Variants in CA8 observed in about 807,000 individuals in gnomAD.
CA8 encodes carbonic anhydrase-related protein.
CA8 carries 22 observed loss-of-function variants against 41.4 expected under a neutral mutation model. The ratio of observed to expected loss-of-function variants is 0.53; its 90% CI spans 0.38 to 0.76. The LOEUF (loss-of-function observed/expected upper bound fraction) is 0.76. Ranked by LOEUF, CA8 falls within the 30% of genes least tolerant of loss-of-function variation. The probability of loss-of-function intolerance (pLI) is 0.00; values close to 1 mark genes in which losing one functional copy is unlikely to be tolerated. For synonymous variants in CA8, 121 were observed against 130.6 expected, an observed-to-expected ratio of 0.93 and a Z score of 0.50; for missense variants, 270 against 352.8, an observed-to-expected ratio of 0.77 and a Z score of 1.88.
intron 7 of CA8, among the ~76,000 whole-genome samples, chr8:60,214,384 C>T (rs1806945796): frequency 6.6e-6 from 1 of 152,202 alleles, no homozygotes; most frequent in East Asian, 1.9e-4. Context: ...TGTCTTAATA[C>T]ATCACATTGG....
intron 8 of CA8, among the ~76,000 whole-genome samples, chr8:60,200,111 C>T (rs1335533576): frequency 6.6e-6 from 1 of 152,058 alleles, no homozygotes; most frequent in African/African-American, 2.4e-5. Flanking sequence ...TAAAAGAGAC[C>T]CCAGAAAACC....
chr8:60,249,390 T>C (rs996858897), intron 3 of CA8, among the ~76,000 whole-genome samples: 2 of 152,186 alleles, frequency 1.3e-5, no homozygotes, highest in Non-Finnish European at 2.9e-5. Flanking sequence ...GTGTCTTCCA[T>C]TGTTTACCTA....
intron 3 of CA8, chr8:60,232,582 G>A (rs954557275): frequency 3.2e-6 from 2 of 625,070 alleles, no homozygotes; most frequent in East Asian, 2.9e-5. Flanking sequence ...AGTGCTTAGT[G>A]GATCACTGCC....
intron 8 of CA8, among the ~76,000 whole-genome samples, chr8:60,194,521 A>G (rs530650696): frequency 6.6e-6 from 1 of 152,264 alleles, no homozygotes; most frequent in Non-Finnish European, 1.5e-5. Flanking sequence ...TACTCACTCA[A>G]TTGTGTCTGT....
At position 60,188,466 on chromosome 8, in the gene CA8, T is replaced by C. The variant is rs1585830063; in HGVS notation, c.*1555A>G. 2 of 152,192 alleles carry C rather than the reference T, an allele frequency of 1.3e-5. No homozygotes were observed. Among genetic ancestry groups the C allele is most frequent in the Non-Finnish European group, 2.9e-5 (2 of 68,036 alleles). 9.4% of individuals were successfully genotyped at this position (152,192 alleles called of 1,614,324 possible). A position where few individuals can be genotyped will look rare whatever the true frequency, so the allele number is the denominator to read the frequency against. ...TTCAGATCTAGTCTTTTGATGTTAATTACAAATAAGGCTGCACGTGTGCAG... is the reference window on the plus strand; with the variant it reads ...TTCAGATCTAGTCTTTTGATGTTAACTACAAATAAGGCTGCACGTGTGCAG... On this transcript the variant is annotated 3_prime_UTR_variant, in exon 9 of 9. Transcript: ENST00000317995.
intron 5 of CA8, among the ~76,000 whole-genome samples, chr8:60,225,425 T>C (rs903955550): frequency 5.3e-5 from 8 of 152,220 alleles, no homozygotes; most frequent in Admixed American, 1.3e-4. Flanking sequence ...AATTCCATAA[T>C]GACTGGTGTC....
At chr8:60,261,282 T>C (rs1044593320) in intron 3 of CA8, among the ~76,000 whole-genome samples, 2 of 152,198 alleles carry the variant, frequency 1.3e-5, no homozygotes, top group Admixed American at 1.3e-4. Context: ...TGCACCCAAC[T>C]TTCCATCAAC....
rs1806021731 is a variant in CA8, at chr8:60,188,419, T to C, written c.*1602A>G. ...TTTTGTTCCAGGAATGCCATATGAA[T>C]GGCCTCTCATTTATGGAAGGCTTCA... On this transcript the variant is annotated 3_prime_UTR_variant, in exon 9 of 9. Coordinates refer to ENST00000317995, the MANE Select transcript of CA8 (RefSeq NM_004056.6). The C allele has an allele frequency of 2.0e-5, 3 of 152,316 alleles. No individual in the cohort carries two copies. The East Asian group carries it at 5.8e-4, about 29-fold the overall frequency. The allele number at this position is 152,316 out of a possible 1,614,324, so 9.4% of individuals were successfully genotyped here.
intron 4 of CA8, 79 bp downstream of exon 4, chr8:60,232,205 T>C: frequency 9.4e-7 from 1 of 1,060,978 alleles, no homozygotes; most frequent in Non-Finnish European, 1.5e-6. Context: ...AGCAATAAAA[T>C]TGAGAATAAA....
intron 7 of CA8, 150 bp downstream of exon 7, chr8:60,222,499 T>C (rs1807286274): frequency 1.5e-6 from 1 of 680,968 alleles, no homozygotes; most frequent in Admixed American, 2.1e-5. Context: ...GACCTTTCAA[T>C]CACTTTCACT....
rs1805950772 is a variant in CA8 at position 60,185,905 on chromosome 8, A to G, written c.*4116T>C. On this transcript the variant is annotated 3_prime_UTR_variant, in exon 9 of 9. Transcript: ENST00000317995. ...ATTATGTAATTATGAAAGACAGTAT[A>G]AATGCATTTCTTCCTTCTCTTAAAG... Among the ~76,000 whole-genome samples the G allele has an allele frequency of 6.6e-6, 1 of 152,168 alleles. No homozygotes were observed.
intron 4 of CA8, among the ~76,000 whole-genome samples, chr8:60,231,756 T>C (rs1807654529): frequency 6.6e-6 from 1 of 152,226 alleles, no homozygotes; most frequent in East Asian, 1.9e-4. Flanking sequence ...TAAATTTATA[T>C]ACTCTTCTTT....
intron 8 of CA8, among the ~76,000 whole-genome samples, chr8:60,198,874 C>A (rs1191178843): frequency 6.6e-6 from 1 of 152,050 alleles, no homozygotes; most frequent in Admixed American, 6.6e-5. Context: ...TTCTTATTTA[C>A]CATCCTTTAT....
At position 60,229,586 on chromosome 8, in the gene CA8, G is replaced by A. The variant is rs575284391; in HGVS notation, c.514-2651C>T. Among the ~76,000 whole-genome samples the A allele has an allele frequency of 1.4e-4, 21 of 152,234 alleles. 1 individual carries two copies. Among genetic ancestry groups the A allele is most frequent in the Middle Eastern group, 3.4e-3 (1 of 294 alleles). ...CTCCCTGGCCTAAGTCTCTTCACCC[G>A]TCAGTCCGTGGCCTTCTGCCCCATT... On this transcript the variant is annotated intron_variant, in intron 4 of 8. Transcript: ENST00000317995.
intron 3 of CA8, among the ~76,000 whole-genome samples, chr8:60,243,330 T>C (rs1203041335): frequency 6.6e-6 from 1 of 151,872 alleles, no homozygotes; most frequent in East Asian, 1.9e-4. Flanking sequence ...GCCACAGCAC[T>C]CAAGGGTCTT....
chr8:60,221,516 G>A (rs968462208), intron 7 of CA8, among the ~76,000 whole-genome samples: 1 of 152,208 alleles, frequency 6.6e-6, no homozygotes, highest in Non-Finnish European at 1.5e-5. Context: ...TGTTCAGTGT[G>A]ATGACAAGAG....
intron 8 of CA8, among the ~76,000 whole-genome samples, chr8:60,202,398 C>A (rs1439064134): frequency 6.6e-6 from 1 of 151,960 alleles, no homozygotes; most frequent in Admixed American, 6.6e-5. Context: ...CAATGTCCAT[C>A]TTGAAGAGTT....
chr8:60,205,817 C>G (rs868260279), intron 8 of CA8, among the ~76,000 whole-genome samples: 1 of 152,090 alleles, frequency 6.6e-6, no homozygotes, highest in African/African-American at 2.4e-5. Flanking sequence ...TAAAACATAG[C>G]TAAAATATAT....
intron 8 of CA8, among the ~76,000 whole-genome samples, chr8:60,206,501 T>C (rs967626743): frequency 1.3e-5 from 2 of 152,192 alleles, no homozygotes; most frequent in Non-Finnish European, 2.9e-5. Context: ...GGTATTGACA[T>C]TCACAGGGAG....
Sources: allele counts gnomAD v4.1 joint callset (sites outside exome capture counted in the v4.1 genomes callset), GRCh38; gene constraint gnomAD v4.1.1; transcripts MANE v1.5; gene names NCBI Gene and HGNC (gene_info 2026-07-23, HGNC 2026-07-21).